ROBO1: variants seen among roughly 807,000 people sequenced by gnomAD.
The protein encoded by ROBO1 is roundabout homolog 1.
A neutral mutation model predicts 195.9 loss-of-function variants in ROBO1; 149 were observed. The ratio of observed to expected loss-of-function variants is 0.76; its 90% CI spans 0.67 to 0.87. The LOEUF (loss-of-function observed/expected upper bound fraction) is 0.87, where lower values mean the gene tolerates loss of function less well. Among genes scored for constraint, ROBO1 ranks in the 40% least tolerant of loss-of-function variants. The pLI, the probability that ROBO1 is intolerant of heterozygous loss-of-function variation, is 0.00. For synonymous variants in ROBO1, 816 were observed against 733.2 expected (o/e 1.11, Z -1.82); for missense variants, 1,933 against 2,068.3 (o/e 0.93, Z 1.27).
intron 4 of ROBO1, among the ~76,000 whole-genome samples, chr3:78,930,616 T>C (rs1395575685): frequency 6.6e-6 from 1 of 152,230 alleles, no homozygotes; most frequent in Non-Finnish European, 1.5e-5. Flanking sequence ...GGCTTGACCT[T>C]GACCTTGTCA....
intron 2 of ROBO1, among the ~76,000 whole-genome samples, chr3:79,218,838 T>C (rs1289646503): frequency 6.6e-6 from 1 of 151,902 alleles, no homozygotes; most frequent in Non-Finnish European, 1.5e-5. Context: ...CCCAAATCTA[T>C]TTCATTTTTT....
chr3:78,690,076 T>A (rs1252353824), intron 8 of ROBO1, among the ~76,000 whole-genome samples: 2 of 149,600 alleles, frequency 1.3e-5, no homozygotes, highest in African/African-American at 4.9e-5. Flanking sequence ...GAAATGTCCC[T>A]AAATCTGGGT....
intron 2 of ROBO1, among the ~76,000 whole-genome samples, chr3:79,295,757 C>T (rs981602316): frequency 7.2e-5 from 11 of 151,804 alleles, no homozygotes; most frequent in Admixed American, 4.6e-4. Context: ...TTATTTATAA[C>T]CGGTAAGATA....
chr3:78,847,955 G>C lies in ROBO1; in HGVS notation c.499+90646C>G, dbSNP rs13068030. 3.6e-3 allele frequency among the ~76,000 whole-genome samples: 543 copies of C among 152,206 alleles called. 2 individuals are homozygous for C. The highest frequency in any genetic ancestry group is 0.01 in the Middle Eastern group (3 of 294). ...TAGAAAAAGAGAAATATGACAATAGGCTATAAAATTGATCAAGTAACTAAT... is the reference window on the plus strand; with the variant it reads ...TAGAAAAAGAGAAATATGACAATAGCCTATAAAATTGATCAAGTAACTAAT... On this transcript the variant is annotated intron_variant, in intron 4 of 30. Transcript: ENST00000464233.
chr3:79,652,005 C>T (rs770785425), intron 1 of ROBO1, among the ~76,000 whole-genome samples: 9 of 152,204 alleles, frequency 5.9e-5, no homozygotes, highest in African/African-American at 2.2e-4. Context: ...CTCAACTTTC[C>T]GTCTATTAAC....
intron 29 of ROBO1, among the ~76,000 whole-genome samples, chr3:78,604,261 G>C (rs1337144842): frequency 6.6e-6 from 1 of 151,908 alleles, no homozygotes; most frequent in African/African-American, 2.4e-5. Context: ...AGTAGAGATG[G>C]GGTTTCACCA....
intron 1 of ROBO1, among the ~76,000 whole-genome samples, chr3:79,765,266 C>A (rs1704921306): frequency 6.6e-6 from 1 of 152,154 alleles, no homozygotes. Flanking sequence ...AAGGTGAATG[C>A]CCCCACTCCT....
At chr3:79,223,093 G>A (rs552140059) in intron 2 of ROBO1, among the ~76,000 whole-genome samples, 11 of 152,190 alleles carry the variant, frequency 7.2e-5, no homozygotes, top group African/African-American at 2.4e-4. Context: ...GCAAAATTAT[G>A]TTTTCTATCT....
chr3:79,455,443 G>C (rs953213925), intron 2 of ROBO1, among the ~76,000 whole-genome samples: 1 of 152,092 alleles, frequency 6.6e-6, no homozygotes, highest in Non-Finnish European at 1.5e-5. Context: ...ATTTTAAGAA[G>C]AGATGCTAAA....
chr3:78,639,977 C>A, intron 21 of ROBO1, 79 bp from the exon 22 acceptor site: 13 of 1,187,194 alleles, frequency 1.1e-5, no homozygotes, highest in Non-Finnish European at 1.5e-5. Flanking sequence ...CAATAAATTC[C>A]TCATCTTGTT....
chr3:78,871,614 A>G (rs1241992772), intron 4 of ROBO1, among the ~76,000 whole-genome samples: 2 of 151,100 alleles, frequency 1.3e-5, no homozygotes, highest in African/African-American at 4.9e-5. Flanking sequence ...TTTGTATTAT[A>G]CTTATATTTT....
intron 1 of ROBO1, among the ~76,000 whole-genome samples, chr3:79,740,011 T>C (rs959996210): frequency 5.9e-5 from 9 of 151,930 alleles, no homozygotes; most frequent in Non-Finnish European, 1.0e-4. Flanking sequence ...TCTCATATGA[T>C]TTTTATTTTT....
At chr3:79,513,596 T>C (rs1940815302) in intron 2 of ROBO1, among the ~76,000 whole-genome samples, 1 of 152,110 alleles carries the variant, frequency 6.6e-6, no homozygotes. Flanking sequence ...ATGACATCTT[T>C]TATAGAGCGA....
At chr3:78,974,777 T>A (rs74693164) in intron 3 of ROBO1, among the ~76,000 whole-genome samples, 5,313 of 152,200 alleles carry the variant, frequency 0.035, 146 homozygotes, top group African/African-American at 0.087. Context: ...AAACTAACAG[T>A]ATCTATTCCT....
At chr3:79,296,325 C>A (rs1440327996) in intron 2 of ROBO1, among the ~76,000 whole-genome samples, 3 of 152,094 alleles carry the variant, frequency 2.0e-5, no homozygotes, top group African/African-American at 7.2e-5. Context: ...TGCAAATTAA[C>A]CATCTTTTAT....
intron 4 of ROBO1, among the ~76,000 whole-genome samples, chr3:78,786,050 C>A (rs1309714008): frequency 1.3e-5 from 2 of 152,046 alleles, no homozygotes; most frequent in Non-Finnish European, 2.9e-5. Flanking sequence ...TGTGAACTAC[C>A]TTTATTTTGA....
At chr3:79,105,450 A>C (rs1208240527) in intron 3 of ROBO1, among the ~76,000 whole-genome samples, 1 of 151,670 alleles carries the variant, frequency 6.6e-6, no homozygotes, top group Non-Finnish European at 1.5e-5. Context: ...TGAACTACTG[A>C]TGGGAGTATC....
At chr3:79,744,578 C>G (rs1299321534) in intron 1 of ROBO1, among the ~76,000 whole-genome samples, 1 of 152,072 alleles carries the variant, frequency 6.6e-6, no homozygotes, top group Non-Finnish European at 1.5e-5. Flanking sequence ...CAAGAAGACC[C>G]TCACCAAGAG....
chr3:78,960,766 G>T (rs1420028099), intron 3 of ROBO1, among the ~76,000 whole-genome samples: 1 of 144,156 alleles, frequency 6.9e-6, no homozygotes, highest in East Asian at 2.0e-4. Context: ...AACGAAGCGA[G>T]ACTCCGTATT....
Sources: allele counts gnomAD v4.1 joint callset (sites outside exome capture counted in the v4.1 genomes callset), GRCh38; gene constraint gnomAD v4.1.1; transcripts MANE v1.5; gene names NCBI Gene and HGNC (gene_info 2026-07-23, HGNC 2026-07-21).